Variants in PRR36 observed in about 807,000 individuals in gnomAD.
The protein encoded by PRR36 is proline rich 36.
PRR36 carries 30 observed loss-of-function variants against 58.6 expected under a neutral mutation model. That is an observed-to-expected ratio of 0.51 (90% CI 0.38 to 0.69). PRR36 has a LOEUF of 0.69. PRR36 is among the 30% of genes least tolerant of loss of function. The pLI is 0.00. For synonymous variants in PRR36, 771 were observed against 829.3 expected (o/e 0.93, Z 1.21); for missense variants, 1,692 against 1,805.6 (o/e 0.94, Z 1.14).
At position 7,873,628 on chromosome 19, in the gene PRR36, G is replaced by A; in HGVS notation, c.62C>T (p.Ala21Val). The change falls in exon 2 of 6, where the codon GCT becomes GTT. Residue 21 changes from alanine (A) to valine (V), a missense_variant. Physicochemically the swap from Ala to Val is moderately conservative, Grantham distance 64. Transcript: ENST00000618550. This position sits in a 1 kb window ranked among gnomAD's most constrained non-coding sequence, Gnocchi z 5.0. ...GAAARTPAARAPGLLTPRPPG... is the reference protein window; with the variant it reads ...GAAARTPAARVPGLLTPRPPG... ...GGGCCTGGGGGTCAGAAGTCCAGGA[G>A]CGCGAGCAGCCGGCGTCCGCGCGGC... 6.5e-7 allele frequency: 1 copy of A among 1,535,248 alleles called. No individual in the cohort carries two copies. The highest frequency in any genetic ancestry group is 8.7e-7 in the Non-Finnish European group (1 of 1,146,718).
rs1980562079 is a variant in PRR36 at position 7,873,464 on chromosome 19, G to T, written c.226C>A (p.Arg76=). 1 of 1,535,038 alleles carries T rather than the reference G, an allele frequency of 6.5e-7. No individual in the cohort carries two copies. The highest frequency in any genetic ancestry group is 1.4e-5 in the African/African-American group (1 of 73,022). ...CCAGCACTCCGCGTTGGTCCCGCTC[G>T]GGGAGCAGACTCGGGAATAGTGGCC... is the stretch of plus-strand genomic sequence containing the variant. ...GGATIPESAP[R]AGPTRSAGTS... Residue 76 remains arginine, a synonymous_variant, in exon 2 of 6, where the codon CGA becomes AGA. Transcript: ENST00000618550. The surrounding 1 kb of genome is among the most constrained non-coding windows in gnomAD (Gnocchi z 5.0).
Position 7,873,011 on chromosome 19 carries a change from C to T in PRR36, c.375-50G>A, listed in dbSNP as rs1980538107. 6.8e-7 allele frequency: 1 copy of T among 1,466,312 alleles called. No homozygotes were observed. Among genetic ancestry groups the T allele is most frequent in the African/African-American group, 1.4e-5 (1 of 71,154 alleles). 90.8% of individuals were successfully genotyped at this position (1,466,312 alleles called of 1,614,324 possible). A position where few individuals can be genotyped will look rare whatever the true frequency, so the allele number is the denominator to read the frequency against. ...AGGCCTAGGTCTTTGTTTGGCTTCC[C>T]AAGTCTCTATTTTCCCATCTGTGAA... On this transcript the variant is annotated intron_variant, in intron 3 of 5. Coordinates refer to ENST00000618550, the MANE Select transcript of PRR36 (RefSeq NM_001190467.2). The surrounding 1 kb of genome is among the most constrained non-coding windows in gnomAD (Gnocchi z 5.0).
At position 7,873,713 on chromosome 19, in the gene PRR36, G is replaced by A. The variant is rs570285016; in HGVS notation, c.-7-17C>T. On this transcript the variant is annotated splice_polypyrimidine_tract_variant and intron_variant, in intron 1 of 5. Transcript: ENST00000618550. The surrounding 1 kb of genome is among the most constrained non-coding windows in gnomAD (Gnocchi z 5.0). ...ATCTTGCACCTGAAGAGACAAACCG[G>A]TCCGCATCCCAGGTTCTGGACAGCT... is the stretch of plus-strand genomic sequence containing the variant. The A allele has an allele frequency of 6.5e-7, 1 of 1,530,858 alleles. No homozygotes were observed. The allele number at this position is 1,530,858 out of a possible 1,614,324, so 94.8% of individuals were successfully genotyped here.
In PRR36 at chr19:7,870,960, A is replaced by C; in HGVS notation, c.2284T>G (p.Ser762Ala). 2 of 1,347,226 alleles carry C rather than the reference A, an allele frequency of 1.5e-6. No individual in the cohort carries two copies. The highest frequency in any genetic ancestry group is 1.8e-5 in the South Asian group (1 of 54,832). 83.5% of individuals were successfully genotyped at this position (1,347,226 alleles called of 1,614,324 possible). A position where few individuals can be genotyped will look rare whatever the true frequency, so the allele number is the denominator to read the frequency against. Residue 762 changes from serine (S) to alanine (A), a missense_variant, in exon 5 of 6, where the codon TCT becomes GCT. By Grantham distance (99) the Ser-to-Ala change is moderately conservative. Transcript: ENST00000618550. The part of the protein sequence containing the change: ...LTTPPLENLP[S>A]LAPPPLQTAS... ...GTCTGCAGAGGAGGCGGGGCTAGAG[A>C]AGGTAGGTTCTCCAGAGGGGGTGTG...
rs1418620867 is a variant in PRR36 at position 7,872,791 on chromosome 19, A to G, written c.488-35T>C. The stretch of plus-strand genomic sequence containing the variant: ...AAGTAGAAGGCCAAGGGTCACCGAT[A>G]CCTCTGAGGCGGCTCCCCTTGCTGC... On this transcript the variant is annotated intron_variant, in intron 4 of 5. Coordinates refer to ENST00000618550, the MANE Select transcript of PRR36 (RefSeq NM_001190467.2). The surrounding 1 kb of genome is among the most constrained non-coding windows in gnomAD (Gnocchi z 6.1). 2.4e-5 allele frequency: 37 copies of G among 1,516,870 alleles called. No individual in the cohort carries two copies. Among genetic ancestry groups the G allele is most frequent in the East Asian group, 9.9e-5 (4 of 40,584 alleles). 94.0% of individuals were successfully genotyped at this position (1,516,870 alleles called of 1,614,324 possible).
chr19:7,869,543 A>G lies in PRR36; in HGVS notation c.3531T>C (p.Gly1177=), dbSNP rs1470729017. ...APPLAFRGAP[G]APLPWPPATG... is the part of the protein sequence containing the mutation. The stretch of plus-strand genomic sequence containing the variant: ...TAGCGGGAGGCCACGGCAGGGGCGC[A>G]CCTGCGGGGAGAGACGCCAGGTGGG... Residue 1177 remains glycine, a splice_region_variant and synonymous_variant, in exon 6 of 6, where the codon GGT becomes GGC. Coordinates refer to ENST00000618550, the MANE Select transcript of PRR36 (RefSeq NM_001190467.2). The G allele has an allele frequency of 4.6e-6, 7 of 1,516,738 alleles. No homozygotes were observed. The highest frequency in any genetic ancestry group is 1.4e-5 in the African/African-American group (1 of 69,916). 94.0% of individuals were successfully genotyped at this position (1,516,738 alleles called of 1,614,324 possible).
chr19:7,871,972 A>G lies in PRR36; in HGVS notation c.1272T>C (p.Ser424=), dbSNP rs1314744316. 1 of 1,535,476 alleles carries G rather than the reference A, an allele frequency of 6.5e-7. No individual in the cohort carries two copies. The highest frequency in any genetic ancestry group is 8.7e-7 in the Non-Finnish European group (1 of 1,146,822). Reference sequence around the variant, plus strand: ...TCTGCAGAGGGGATGAAACTGATGGAGAGACTGAAGCCACAAAAGCGGCTG... The same window carrying G: ...TCTGCAGAGGGGATGAAACTGATGGGGAGACTGAAGCCACAAAAGCGGCTG... ...LATAAFVASV[S]PSVSSPLQSM... is the part of the protein sequence containing the mutation. The change falls in exon 5 of 6, where the codon TCT becomes TCC. Residue 424 remains serine (S), a synonymous_variant. Coordinates refer to ENST00000618550, the MANE Select transcript of PRR36 (RefSeq NM_001190467.2).
chr19:7,873,606 C>A lies in PRR36; in HGVS notation c.84G>T (p.Arg28Ser). The A allele has an allele frequency of 6.5e-7, 1 of 1,535,082 alleles. No homozygotes were observed. Among genetic ancestry groups the A allele is most frequent in the Non-Finnish European group, 8.7e-7 (1 of 1,146,672 alleles). ...AARAPGLLTP[R>S]PPGSPRPPPP... ...GAGGGGGTCGAGGAGAGCCTGGGGG[C>A]CTGGGGGTCAGAAGTCCAGGAGCGC... Residue 28 changes from arginine (R) to serine (S), a missense_variant, in exon 2 of 6, where the codon AGG becomes AGT. Around this residue, in one of 5 missense-constraint regions of PRR36, gnomAD observed 975 missense variants for 955.2 expected, o/e 1.02. Transcript: ENST00000618550. The surrounding 1 kb of genome is among the most constrained non-coding windows in gnomAD (Gnocchi z 5.0).
rs1056245088 is a variant in PRR36 at position 7,873,821 on chromosome 19, C to T, written c.-7-125G>A. The T allele has an allele frequency of 2.2e-6, 2 of 923,412 alleles. No homozygotes were observed. Among genetic ancestry groups the T allele is most frequent in the African/African-American group, 1.7e-5 (1 of 58,742 alleles). The allele number at this position is 923,412 out of a possible 1,614,324, so 57.2% of individuals were successfully genotyped here. A position where few individuals can be genotyped will look rare whatever the true frequency, so the allele number is the denominator to read the frequency against. On this transcript the variant is annotated intron_variant, in intron 1 of 5. Coordinates refer to ENST00000618550, the MANE Select transcript of PRR36 (RefSeq NM_001190467.2). This position sits in a 1 kb window ranked among gnomAD's most constrained non-coding sequence, Gnocchi z 5.0. ...CCCATGGACACTCAAACCTCGGCCT[C>T]GGCTTCCATCCGCTCGGCTCCCACG... is the stretch of plus-strand genomic sequence containing the variant.
chr19:7,872,095 C>A lies in PRR36; in HGVS notation c.1149G>T (p.Leu383=). 1 of 1,530,928 alleles carries A rather than the reference C, an allele frequency of 6.5e-7. No individual in the cohort carries two copies. Among genetic ancestry groups the A allele is most frequent in the African/African-American group, 1.4e-5 (1 of 72,034 alleles). 94.8% of individuals were successfully genotyped at this position (1,530,928 alleles called of 1,614,324 possible). A position where few individuals can be genotyped will look rare whatever the true frequency, so the allele number is the denominator to read the frequency against. ...APPSPSAPPS[L]QTLPSPPATP... ...TGGCTGGTGGAGAGGGGAGGGTCTG[C>A]AGAGAAGGTGGAGCAGAGGGAGAAG... The change falls in exon 5 of 6, where the codon CTG becomes CTT. Residue 383 remains leucine (L), a synonymous_variant. Transcript: ENST00000618550. The surrounding 1 kb of genome is among the most constrained non-coding windows in gnomAD (Gnocchi z 6.1).
Position 7,870,091 on chromosome 19 carries a change from T to C in PRR36, c.3153A>G (p.Pro1051=). ...LPMSPLATPP[P]QAPPVLAAPL... ...GCGCTGCCAGAACAGGTGGGGCCTGTGGAGGAGGCGTGGCCAAAGGAGACA... is the reference window on the plus strand; with the variant it reads ...GCGCTGCCAGAACAGGTGGGGCCTGCGGAGGAGGCGTGGCCAAAGGAGACA... The change falls in exon 5 of 6, where the codon CCA becomes CCG. Residue 1051 remains proline (P), a synonymous_variant. Transcript: ENST00000618550. 11 of 1,486,236 alleles carry C rather than the reference T, an allele frequency of 7.4e-6. No individual in the cohort carries two copies. Among genetic ancestry groups the C allele is most frequent in the Non-Finnish European group, 9.8e-6 (11 of 1,124,944 alleles). 92.1% of individuals were successfully genotyped at this position (1,486,236 alleles called of 1,614,324 possible).
intron 5 of PRR36, 26 bp from the exon 6 acceptor site, chr19:7,869,570 CGT>C: frequency 6.6e-7 from 1 of 1,512,648 alleles, no homozygotes; most frequent in Non-Finnish European, 8.8e-7. Context: ...CCAGGTGGGC[CGT>C]GGGGGTGATA....
In PRR36 at chr19:7,873,412, G is replaced by T; in HGVS notation, c.271+7C>A. ...GGGGGCGGAGCTGAGGAAGGAGGCT[G>T]GGGTACCAGGGTTTCGGGAACTTGT... On this transcript the variant is annotated splice_region_variant and intron_variant, in intron 2 of 5. Transcript: ENST00000618550. This position sits in a 1 kb window ranked among gnomAD's most constrained non-coding sequence, Gnocchi z 5.0. 6.6e-7 allele frequency: 1 copy of T among 1,525,178 alleles called. No individual in the cohort carries two copies. Among genetic ancestry groups the T allele is most frequent in the South Asian group, 1.2e-5 (1 of 83,188 alleles). 94.5% of individuals were successfully genotyped at this position (1,525,178 alleles called of 1,614,324 possible).
At position 7,871,814 on chromosome 19, in the gene PRR36, GA is replaced by G; in HGVS notation, c.1429del (p.Ser477ArgfsTer16). The G allele has an allele frequency of 6.5e-7, 1 of 1,535,776 alleles. No individual in the cohort carries two copies. The highest frequency in any genetic ancestry group is 8.7e-7 in the Non-Finnish European group (1 of 1,146,814). ...AGGGAGTGCGGCCAGGGGAAAAGCC[GA>G]ATTCCCCAGAGATGTTGCCGGAGAA... is the stretch of plus-strand genomic sequence containing the variant. ...PVSPATSLGN[S>X]AFPLAALPQP... On this transcript the variant is annotated frameshift_variant, in exon 5 of 6. Coordinates refer to ENST00000618550, the MANE Select transcript of PRR36 (RefSeq NM_001190467.2). LOFTEE classifies it high-confidence loss of function.
At position 7,874,113 on chromosome 19, in the gene PRR36, C is replaced by G. The variant is rs1599591914; in HGVS notation, c.-8+173G>C. On this transcript the variant is annotated intron_variant, in intron 1 of 5. Transcript: ENST00000618550. The surrounding 1 kb of genome is among the most constrained non-coding windows in gnomAD (Gnocchi z 6.0). Reference sequence around the variant, plus strand: ...CACGCCCGGGTCTCCCCGCCAGCCCCCATCGGCCTCCCCTGGCCTCCCCGA... The same window carrying G: ...CACGCCCGGGTCTCCCCGCCAGCCCGCATCGGCCTCCCCTGGCCTCCCCGA... Among the ~76,000 whole-genome samples the G allele has an allele frequency of 2.0e-5, 3 of 152,190 alleles. No homozygotes were observed. In the South Asian group the frequency reaches 6.2e-4, roughly 32 times the overall value.
In PRR36 at chr19:7,869,185, G is replaced by C. The variant is rs1050566227; in HGVS notation, c.3889C>G (p.Leu1297Val). The change falls in exon 6 of 6, where the codon CTC becomes GTC. Residue 1297 changes from leucine (L) to valine (V), a missense_variant. Transcript: ENST00000618550. ...CAGCGGCCGAGTTCGGCGTCGCTGA[G>C]TGCAGCCCGGGCGCCCCCTGTGACG... ...GGVTGGARAA[L>V]SDAELGRWAE... 21 of 1,533,602 alleles carry C rather than the reference G, an allele frequency of 1.4e-5. 1 individual carries two copies. In the Admixed American group the frequency reaches 3.3e-4, roughly 24 times the overall value. The allele number at this position is 1,533,602 out of a possible 1,614,324, so 95.0% of individuals were successfully genotyped here. A position where few individuals can be genotyped will look rare whatever the true frequency, so the allele number is the denominator to read the frequency against.
In PRR36 at chr19:7,873,838, G is replaced by A. The variant is rs7249549; in HGVS notation, c.-7-142C>T. On this transcript the variant is annotated intron_variant, in intron 1 of 5. Coordinates refer to ENST00000618550, the MANE Select transcript of PRR36 (RefSeq NM_001190467.2). The surrounding 1 kb of genome is among the most constrained non-coding windows in gnomAD (Gnocchi z 5.0). ...CTCGGCCTCGGCTTCCATCCGCTCG[G>A]CTCCCACGCACCTACACCCACTCGC... is the stretch of plus-strand genomic sequence containing the variant. 0.37 allele frequency: 286,515 copies of A among 770,606 alleles called. 58,099 individuals are homozygous for A. Among genetic ancestry groups the A allele is most frequent in the South Asian group, 0.67 (35,967 of 53,936 alleles). The allele number at this position is 770,606 out of a possible 1,614,324, so 47.7% of individuals were successfully genotyped here.
In PRR36 at chr19:7,873,328, C is replaced by A; in HGVS notation, c.272-29G>T. 1.3e-6 allele frequency: 2 copies of A among 1,524,032 alleles called. No individual in the cohort carries two copies. The highest frequency in any genetic ancestry group is 2.5e-5 in the East Asian group (1 of 40,780). The allele number at this position is 1,524,032 out of a possible 1,614,324, so 94.4% of individuals were successfully genotyped here. On this transcript the variant is annotated intron_variant, in intron 2 of 5. Transcript: ENST00000618550. The surrounding 1 kb of genome is among the most constrained non-coding windows in gnomAD (Gnocchi z 5.0). ...CGGGGAGAAGGCCGAGTCACAGGTG[C>A]CCCGGAGAGGTGGCAGTGGAGGTGA...
chr19:7,871,681 C>T lies in PRR36; in HGVS notation c.1563G>A (p.Gln521=). Residue 521 remains glutamine (Q), a synonymous_variant, in exon 5 of 6, where the codon CAG becomes CAA. Coordinates refer to ENST00000618550, the MANE Select transcript of PRR36 (RefSeq NM_001190467.2). ...TPHTLATLPL[Q]DSPLLATLPL... ...GCAATGTGGCCAGAAGAGGAGAGTC[C>T]TGCAGAGGAAGAGTGGCCAGAGTGT... is the stretch of plus-strand genomic sequence containing the variant. The T allele has an allele frequency of 6.5e-7, 1 of 1,535,570 alleles. No individual in the cohort carries two copies. Among genetic ancestry groups the T allele is most frequent in the Non-Finnish European group, 8.7e-7 (1 of 1,146,746 alleles).
Sources: gnomAD v4.1 joint callset for allele counts (sites outside exome capture counted in the v4.1 genomes callset) on GRCh38, gnomAD v4.1.1 for gene constraint, gnomAD v4.1.1 regional missense constraint, Gnocchi (gnomAD v3.1) non-coding constraint, MANE v1.5 for transcripts, NCBI Gene and HGNC (gene_info 2026-07-23, HGNC 2026-07-21) for gene names.